The following SYNPR variants were observed in gnomAD, a reference collection of about 807,000 sequenced individuals.
SYNPR encodes the protein synaptoporin.
In SYNPR, 23 loss-of-function variants were observed where a neutral mutation model predicts 32.9. That is an observed-to-expected ratio of 0.70 (90% CI 0.50 to 0.99). The LOEUF (loss-of-function observed/expected upper bound fraction) is 0.99. Among genes scored for constraint, SYNPR ranks in the 50% least tolerant of loss-of-function variants. The probability of loss-of-function intolerance (pLI) is 0.00; values close to 1 mark genes in which losing one functional copy is unlikely to be tolerated. For synonymous variants in SYNPR, 146 were observed against 135.9 expected, an observed-to-expected ratio of 1.07 and a Z score of -0.52; for missense variants, 318 against 349.3, an observed-to-expected ratio of 0.91 and a Z score of 0.71.
chr3:63,394,544 T>C (rs2088187683), intron 2 of SYNPR, among the ~76,000 whole-genome samples: 1 of 152,204 alleles, frequency 6.6e-6, no homozygotes, highest in South Asian at 2.1e-4. Context: ...TATTTTTTTT[T>C]CCTTCAAAAT....
chr3:63,572,267 T>A (rs1464637480), intron 4 of SYNPR, among the ~76,000 whole-genome samples: 1 of 150,912 alleles, frequency 6.6e-6, no homozygotes, highest in African/African-American at 2.4e-5. Flanking sequence ...TTAACTGTGC[T>A]TTCTTCTCCT....
chr3:63,380,269 T>G (rs567371354), intron 2 of SYNPR, among the ~76,000 whole-genome samples: 1 of 152,304 alleles, frequency 6.6e-6, no homozygotes, highest in African/African-American at 2.4e-5. Flanking sequence ...CCACACTGTC[T>G]TCCACAATGG....
chr3:63,330,760 A>G (rs529148706), intron 2 of SYNPR, among the ~76,000 whole-genome samples: 3 of 152,294 alleles, frequency 2.0e-5, no homozygotes, highest in African/African-American at 7.2e-5. Flanking sequence ...CAGATAAGAA[A>G]GTTGAGGTCC....
intron 1 of SYNPR, among the ~76,000 whole-genome samples, chr3:63,241,054 A>G (rs565063477): frequency 1.3e-5 from 2 of 152,186 alleles, no homozygotes; most frequent in East Asian, 3.9e-4. Context: ...AAAAAAATCC[A>G]TGCTTTGCAC....
chr3:63,513,509 T>C (rs1227695193), intron 3 of SYNPR, among the ~76,000 whole-genome samples: 8 of 152,136 alleles, frequency 5.3e-5, no homozygotes, highest in Non-Finnish European at 1.2e-4. Context: ...CAAATGTATT[T>C]AGCCAAGTCC....
the SYNPR span, among the ~76,000 whole-genome samples, chr3:63,202,780 C>A: frequency 1.4e-4 from 21 of 152,004 alleles, no homozygotes; most frequent in South Asian, 8.3e-4. Context: ...CATGTTAAAA[C>A]ATGTTTTGAC....
At chr3:63,308,980 T>C (rs929825233) in intron 2 of SYNPR, among the ~76,000 whole-genome samples, 2 of 152,006 alleles carry the variant, frequency 1.3e-5, no homozygotes, top group African/African-American at 4.8e-5. Context: ...CAGTTTCTCA[T>C]AATTAGGCTT....
intron 3 of SYNPR, 77 bp downstream of exon 3, chr3:63,481,033 G>A: frequency 6.5e-7 from 1 of 1,542,552 alleles, no homozygotes; most frequent in Non-Finnish European, 8.8e-7. Context: ...CAGAAAAAAT[G>A]CAGTCTTCCA....
intron 4 of SYNPR, among the ~76,000 whole-genome samples, chr3:63,579,503 C>G (rs1329716849): frequency 6.6e-6 from 1 of 152,120 alleles, no homozygotes; most frequent in African/African-American, 2.4e-5. Flanking sequence ...CTACCACATA[C>G]TTCACTAATT....
upstream of SYNPR, among the ~76,000 whole-genome samples, chr3:63,224,007 G>C (rs1394209729): frequency 6.6e-6 from 1 of 152,136 alleles, no homozygotes; most frequent in Non-Finnish European, 1.5e-5. Flanking sequence ...TATAGTCCTT[G>C]CCCTTAAAAA....
chr3:63,388,533 G>A (rs569149912), intron 2 of SYNPR, among the ~76,000 whole-genome samples: 4 of 147,718 alleles, frequency 2.7e-5, no homozygotes, highest in South Asian at 2.2e-4. Flanking sequence ...GATTACAGGC[G>A]CACACCACCA....
intron 4 of SYNPR, among the ~76,000 whole-genome samples, chr3:63,588,695 A>G (rs1328435302): frequency 1.3e-5 from 2 of 152,104 alleles, no homozygotes; most frequent in Non-Finnish European, 2.9e-5. Flanking sequence ...TCTATATGAC[A>G]TAGTAATTCA....
At chr3:63,486,618 T>C (rs1302008749) in intron 3 of SYNPR, among the ~76,000 whole-genome samples, 2 of 152,166 alleles carry the variant, frequency 1.3e-5, no homozygotes, top group Admixed American at 6.5e-5. Context: ...TGTGAGAACA[T>C]TACCATCTTT....
At chr3:63,352,803 A>G (rs1376514404) in intron 2 of SYNPR, among the ~76,000 whole-genome samples, 1 of 152,186 alleles carries the variant, frequency 6.6e-6, no homozygotes, top group Non-Finnish European at 1.5e-5. Flanking sequence ...GGTGGCAGAC[A>G]AGAAAGCATG....
intron 2 of SYNPR, among the ~76,000 whole-genome samples, chr3:63,265,020 G>C (rs945520155): frequency 6.6e-6 from 1 of 151,946 alleles, no homozygotes; most frequent in Non-Finnish European, 1.5e-5. Context: ...GGACACAGCC[G>C]AACCATATCA....
intron 2 of SYNPR, among the ~76,000 whole-genome samples, chr3:63,396,590 A>T (rs1162724570): frequency 1.3e-5 from 2 of 152,140 alleles, no homozygotes; most frequent in African/African-American, 4.8e-5. Context: ...TCTCTGGACT[A>T]TCAGGTCTTT....
At chr3:63,548,175 G>A (rs992158917) in intron 3 of SYNPR, among the ~76,000 whole-genome samples, 6 of 152,160 alleles carry the variant, frequency 3.9e-5, no homozygotes, top group Admixed American at 3.3e-4. Context: ...TTTACTGAAT[G>A]AATGAATGAC....
chr3:63,556,474 G>A (rs1702596020), intron 3 of SYNPR, 69 bp from the exon 4 acceptor site: 1 of 1,410,664 alleles, frequency 7.1e-7, no homozygotes, highest in African/African-American at 1.4e-5. Flanking sequence ...TTTAGAAGAT[G>A]TAGACACAAG....
intron 2 of SYNPR, among the ~76,000 whole-genome samples, chr3:63,253,783 G>C (rs558524811): frequency 1.3e-5 from 2 of 152,250 alleles, no homozygotes; most frequent in East Asian, 3.9e-4. Flanking sequence ...TCTAGAACTA[G>C]AAATACCATT....
Sources: gnomAD v4.1 joint callset for allele counts (sites outside exome capture counted in the v4.1 genomes callset) on GRCh38, gnomAD v4.1.1 for gene constraint, MANE v1.5 for transcripts, NCBI Gene and HGNC (gene_info 2026-07-23, HGNC 2026-07-21) for gene names.